LRRC49: variants seen among roughly 807,000 people sequenced by gnomAD.
The protein encoded by LRRC49 is leucine-rich repeat-containing protein 49.
LRRC49 carries 50 observed loss-of-function variants against 83.3 expected under a neutral mutation model. That is an observed-to-expected ratio of 0.60 (90% CI 0.48 to 0.76). The LOEUF (loss-of-function observed/expected upper bound fraction) is 0.76, where lower values mean the gene tolerates loss of function less well. Among genes scored for constraint, LRRC49 ranks in the 30% least tolerant of loss-of-function variants. LRRC49 has a pLI of 0.00. For synonymous variants in LRRC49, 286 were observed against 283.3 expected (o/e 1.01, Z -0.10); for missense variants, 704 against 809.1 (o/e 0.87, Z 1.58).
At chr15:70,865,927 G>A (rs899783022) in intron 1 of LRRC49, among the ~76,000 whole-genome samples, 1 of 152,104 alleles carries the variant, frequency 6.6e-6, no homozygotes, top group Non-Finnish European at 1.5e-5. Context: ...ATATTATGCA[G>A]CCACACTTGG....
intron 14 of LRRC49, among the ~76,000 whole-genome samples, chr15:71,015,847 A>T (rs2038808107): frequency 1.3e-5 from 2 of 152,170 alleles, no homozygotes; most frequent in South Asian, 4.1e-4. Flanking sequence ...ATGTGCAAGG[A>T]TTTTCCTTGC....
At chr15:70,916,429 G>C (rs1407628294) in intron 6 of LRRC49, among the ~76,000 whole-genome samples, 1 of 152,070 alleles carries the variant, frequency 6.6e-6, no homozygotes, top group Non-Finnish European at 1.5e-5. Flanking sequence ...TGAATAGCTG[G>C]GATTACAGGC....
chr15:70,910,378 A>G (rs1290401339), intron 5 of LRRC49, among the ~76,000 whole-genome samples: 1 of 152,148 alleles, frequency 6.6e-6, no homozygotes, highest in Non-Finnish European at 1.5e-5. Context: ...CACTACATAT[A>G]TATATCACAT....
intron 14 of LRRC49, among the ~76,000 whole-genome samples, chr15:71,021,774 T>G (rs1429173809): frequency 1.3e-5 from 2 of 152,186 alleles, no homozygotes; most frequent in African/African-American, 4.8e-5. Flanking sequence ...CTGCTCCACA[T>G]GGTCTCTCAT....
At chr15:70,947,794 G>A (rs1472766831) in intron 8 of LRRC49, among the ~76,000 whole-genome samples, 1 of 152,158 alleles carries the variant, frequency 6.6e-6, no homozygotes, top group East Asian at 1.9e-4. Context: ...GATTCTGATT[G>A]TGTTCATTTA....
chr15:70,859,347 C>T, intron 1 of LRRC49: 1 of 779,356 alleles, frequency 1.3e-6, no homozygotes, highest in Non-Finnish European at 2.4e-6. Flanking sequence ...GAGCTGGAGT[C>T]TTGCCTGGAA....
At chr15:70,994,354 CTT>C (rs1383311710) in intron 11 of LRRC49, among the ~76,000 whole-genome samples, 1 of 152,140 alleles carries the variant, frequency 6.6e-6, no homozygotes, top group Non-Finnish European at 1.5e-5. Context: ...ACACCAGACT[CTT>C]TTGATTATAG....
intron 2 of LRRC49, chr15:70,882,813 T>C: frequency 6.2e-7 from 1 of 1,614,224 alleles, no homozygotes; most frequent in Non-Finnish European, 8.5e-7. Context: ...TTTTATGCAC[T>C]GGGCCTTCTT....
chr15:70,971,292 G>C (rs1228272581), intron 9 of LRRC49, among the ~76,000 whole-genome samples: 1 of 152,190 alleles, frequency 6.6e-6, no homozygotes, highest in Non-Finnish European at 1.5e-5. Flanking sequence ...TTGTGGTTTT[G>C]AGTGTGTTTC....
intron 3 of LRRC49, among the ~76,000 whole-genome samples, chr15:70,897,126 A>G (rs1451561152): frequency 6.6e-6 from 1 of 152,208 alleles, no homozygotes; most frequent in Non-Finnish European, 1.5e-5. Flanking sequence ...GAAACCATGA[A>G]TCAAAATTAA....
chr15:70,871,219 A>G (rs866336253), intron 1 of LRRC49, among the ~76,000 whole-genome samples: 8 of 152,000 alleles, frequency 5.3e-5, no homozygotes, highest in Non-Finnish European at 1.0e-4. Context: ...CCCTTAATCC[A>G]TTTAACCCTG....
rs753379171 is a variant in LRRC49, at chr15:70,936,847, A to T, written c.773+25A>T. The T allele has an allele frequency of 3.3e-6, 5 of 1,494,608 alleles. No homozygotes were observed. The South Asian group carries it at 4.5e-5, about 14-fold the overall frequency. The allele number at this position is 1,494,608 out of a possible 1,614,324, so 92.6% of individuals were successfully genotyped here. A position where few individuals can be genotyped will look rare whatever the true frequency, so the allele number is the denominator to read the frequency against. On this transcript the variant is annotated intron_variant, in intron 8 of 15. Transcript: ENST00000260382. Reference sequence around the variant, plus strand: ...GGTAAGTGGAAACTCCCAAGTTGTCATTCATTATAACTTGATTGTGTGAGT... The same window carrying T: ...GGTAAGTGGAAACTCCCAAGTTGTCTTTCATTATAACTTGATTGTGTGAGT...
intron 13 of LRRC49, among the ~76,000 whole-genome samples, chr15:71,010,436 A>G (rs1031828815): frequency 6.6e-6 from 1 of 151,778 alleles, no homozygotes; most frequent in African/African-American, 2.4e-5. Flanking sequence ...AATAAAATGG[A>G]AAAAAAAGGG....
chr15:70,904,453 C>T (rs963870205), intron 4 of LRRC49, 99 bp from the exon 5 acceptor site: 2 of 747,442 alleles, frequency 2.7e-6, no homozygotes, highest in Non-Finnish European at 4.4e-6. Flanking sequence ...ATTTTTTTCT[C>T]CTCACAGAAT....
chr15:70,996,940 AG>A (rs2038093688), intron 11 of LRRC49, among the ~76,000 whole-genome samples: 1 of 152,196 alleles, frequency 6.6e-6, no homozygotes, highest in South Asian at 2.1e-4. Context: ...TAATCTTTTT[AG>A]ATTGATTGAG....
At chr15:70,859,556 C>T in intron 1 of LRRC49, 1 of 668,224 alleles carries the variant, frequency 1.5e-6, no homozygotes. Flanking sequence ...TGAGAGCATG[C>T]ACCAGATCAA....
At chr15:70,872,608 TGTGATACG>T (rs2033072792) in intron 1 of LRRC49, among the ~76,000 whole-genome samples, 1 of 152,094 alleles carries the variant, frequency 6.6e-6, no homozygotes, top group Non-Finnish European at 1.5e-5. Context: ...AAGATAAAGT[TGTGATACG>T]CTTTAGGGTT....
chr15:70,940,815 T>A (rs959396423), intron 8 of LRRC49, among the ~76,000 whole-genome samples: 2 of 152,206 alleles, frequency 1.3e-5, no homozygotes, highest in African/African-American at 4.8e-5. Context: ...TCTGCTAAGT[T>A]TTAAATTTGA....
At chr15:70,959,536 G>GGGAAGGAAGGAAGGAAGGAAGGAA (rs375526332) in intron 8 of LRRC49, among the ~76,000 whole-genome samples, 90 of 79,600 alleles carry the variant, frequency 1.1e-3, no homozygotes, top group South Asian at 1.2e-3. Flanking sequence ...GAGGAAAGGA[G>GGGAAGGAAGGAAGGAAGGAAGGAA]GGAAGGAAGG....
Sources: gnomAD v4.1 joint callset for allele counts (sites outside exome capture counted in the v4.1 genomes callset) on GRCh38, gnomAD v4.1.1 for gene constraint, MANE v1.5 for transcripts, NCBI Gene and HGNC (gene_info 2026-07-23, HGNC 2026-07-21) for gene names.